ERAP1: variants seen among roughly 807,000 people sequenced by gnomAD.
ERAP1 encodes the protein endoplasmic reticulum aminopeptidase 1, also known as adipocyte-derived leucine aminopeptidase.
ERAP1 carries 86 observed loss-of-function variants against 103.7 expected under a neutral mutation model. The observed-to-expected ratio is 0.83, with a 90% CI of 0.70 to 0.99. The LOEUF (loss-of-function observed/expected upper bound fraction) is 0.99, where lower values mean the gene tolerates loss of function less well. ERAP1 is among the 50% of genes least tolerant of loss of function. The pLI is 0.00. For synonymous variants in ERAP1, 398 were observed against 402.4 expected (o/e 0.99, Z 0.13); for missense variants, 1,009 against 1,128.4 (o/e 0.89, Z 1.52).
the ERAP1 span, among the ~76,000 whole-genome samples, chr5:96,899,943 G>C: frequency 6.6e-6 from 1 of 152,262 alleles, no homozygotes; most frequent in African/African-American, 2.4e-5. Context: ...AACTTTTGTG[G>C]ACTTCTATCC....
chr5:96,876,964 A>G, the ERAP1 span, among the ~76,000 whole-genome samples: 1 of 151,828 alleles, frequency 6.6e-6, no homozygotes, highest in Non-Finnish European at 1.5e-5. Context: ...ATTTAATTTA[A>G]TTTATGTATT....
At chr5:96,809,357 C>A (rs1048776149), upstream of ERAP1, among the ~76,000 whole-genome samples, 2 of 152,166 alleles carry the variant, frequency 1.3e-5, no homozygotes, top group Non-Finnish European at 2.9e-5. Context: ...CTGGTTCAAA[C>A]GTCTCTGATA....
At chr5:96,836,290 G>A in the ERAP1 span, among the ~76,000 whole-genome samples, 1 of 148,752 alleles carries the variant, frequency 6.7e-6, no homozygotes, top group African/African-American at 2.5e-5. Context: ...CAACCTCTAC[G>A]TCCTGGATTC....
chr5:96,787,535 G>A (rs942219242), intron 11 of ERAP1, among the ~76,000 whole-genome samples: 3 of 152,028 alleles, frequency 2.0e-5, no homozygotes, highest in Admixed American at 1.3e-4. Context: ...CAAAGTCCTG[G>A]TATTAAAGGC....
the ERAP1 span, chr5:96,881,130 C>A: frequency 1.0e-5 from 3 of 300,486 alleles, no homozygotes; most frequent in Admixed American, 4.7e-5. Flanking sequence ...AGCCTTGGGG[C>A]GTCTTGTAAG....
At chr5:96,830,106 G>T in the ERAP1 span, among the ~76,000 whole-genome samples, 1 of 152,128 alleles carries the variant, frequency 6.6e-6, no homozygotes, top group African/African-American at 2.4e-5. Flanking sequence ...GGTAGGGAGG[G>T]ACCCTGGTAA....
chr5:96,852,055 G>A, the ERAP1 span, among the ~76,000 whole-genome samples: 4 of 152,190 alleles, frequency 2.6e-5, no homozygotes, highest in African/African-American at 4.8e-5. Context: ...CCCAAAAAGC[G>A]TGGTAATTAA....
chr5:96,775,351 G>T lies in ERAP1; in HGVS notation c.*1045C>A, dbSNP rs1774013688. On this transcript the variant is annotated 3_prime_UTR_variant, in exon 19 of 19. Coordinates refer to ENST00000443439, the MANE Select transcript of ERAP1 (RefSeq NM_001040458.3). ...TTTCACAATGTACTATCATTTATTG[G>T]TGACTGCAATAATTTACTGTCAGTA... The T allele has an allele frequency of 1.0e-6, 1 of 985,018 alleles. No individual in the cohort carries two copies. The highest frequency in any genetic ancestry group is 1.7e-5 in the African/African-American group (1 of 57,284). 61.0% of individuals were successfully genotyped at this position (985,018 alleles called of 1,614,324 possible).
chr5:96,788,449 G>T (rs765128028), intron 11 of ERAP1, 82 bp downstream of exon 11: 4 of 1,503,608 alleles, frequency 2.7e-6, no homozygotes, highest in Non-Finnish European at 3.7e-6. Context: ...AGTGGTAAGG[G>T]CATTATTTCA....
the ERAP1 span, among the ~76,000 whole-genome samples, chr5:96,898,811 C>T: frequency 1.3e-5 from 2 of 152,054 alleles, no homozygotes; most frequent in Admixed American, 6.6e-5. Flanking sequence ...CATCACCCAC[C>T]GTCAGTGGTC....
rs1258157282 is a variant in ERAP1 at position 96,776,047 on chromosome 5, C to CTGA, written c.*346_*348dup. 2 of 1,188,506 alleles carry CTGA rather than the reference C, an allele frequency of 1.7e-6. No homozygotes were observed. The highest frequency in any genetic ancestry group is 1.1e-6 in the Non-Finnish European group (1 of 941,054). The allele number at this position is 1,188,506 out of a possible 1,614,324, so 73.6% of individuals were successfully genotyped here. A position where few individuals can be genotyped will look rare whatever the true frequency, so the allele number is the denominator to read the frequency against. On this transcript the variant is annotated 3_prime_UTR_variant, in exon 19 of 19. Transcript: ENST00000443439. ...GACTATTCAGAGTCTTTCGAGGAGACTGATGAAACAGTTTATGAATGATAA... is the reference window on the plus strand; with the variant it reads ...GACTATTCAGAGTCTTTCGAGGAGACTGATGATGAAACAGTTTATGAATGATAA...
intron 5 of ERAP1, among the ~76,000 whole-genome samples, chr5:96,794,678 T>C (rs1561277268): frequency 6.6e-6 from 1 of 152,214 alleles, no homozygotes; most frequent in African/African-American, 2.4e-5. Context: ...CTATATAAAT[T>C]TATTCATTCA....
the ERAP1 span, among the ~76,000 whole-genome samples, chr5:96,819,489 GTGTGTGTTTGTGTA>G: frequency 2.0e-5 from 3 of 152,166 alleles, no homozygotes; most frequent in Admixed American, 6.5e-5. Context: ...CCAGAGGGGT[GTGTGTGTTTGTGTA>G]TGTGTGTTTG....
the ERAP1 span, among the ~76,000 whole-genome samples, chr5:96,899,556 A>G: frequency 3.3e-5 from 5 of 152,194 alleles, no homozygotes; most frequent in Non-Finnish European, 1.5e-5. Flanking sequence ...AGTACTGGTT[A>G]TTCAAGGGTC....
the ERAP1 span, among the ~76,000 whole-genome samples, chr5:96,869,691 A>G: frequency 6.6e-6 from 1 of 152,256 alleles, no homozygotes; most frequent in South Asian, 2.1e-4. Context: ...AAGCCTAAAC[A>G]TAAGTCTAGT....
chr5:96,879,361 G>T, the ERAP1 span, among the ~76,000 whole-genome samples: 1 of 152,184 alleles, frequency 6.6e-6, no homozygotes, highest in Non-Finnish European at 1.5e-5. Flanking sequence ...TTTAAGGTAG[G>T]GTTTTTTGGG....
At chr5:96,910,310 G>A in the ERAP1 span, 1 of 151,486 alleles carries the variant, frequency 6.6e-6, no homozygotes. Context: ...TTATAAGATG[G>A]TATCATAACT....
chr5:96,815,421 T>TTTTG, the ERAP1 span, among the ~76,000 whole-genome samples: 1 of 144,028 alleles, frequency 6.9e-6, no homozygotes, highest in Non-Finnish European at 1.5e-5. Flanking sequence ...TTTATTTTTT[T>TTTTG]TTTTTTTGAG....
chr5:96,912,325 G>A, the ERAP1 span, among the ~76,000 whole-genome samples: 2 of 150,638 alleles, frequency 1.3e-5, no homozygotes, highest in Admixed American at 1.3e-4. Flanking sequence ...ATATAAACCA[G>A]TAGTTTTGTA....
Sources: allele counts gnomAD v4.1 joint callset (sites outside exome capture counted in the v4.1 genomes callset), GRCh38; gene constraint gnomAD v4.1.1; transcripts MANE v1.5; gene names NCBI Gene and HGNC (gene_info 2026-07-23, HGNC 2026-07-21).